Variants in ANKS1B observed in about 807,000 individuals in gnomAD.
ANKS1B encodes the protein ankyrin repeat and sterile alpha motif domain containing 1B, also known as ankyrin repeat and sterile alpha motif domain-containing protein 1B.
ANKS1B carries 36 observed loss-of-function variants against 148.3 expected under a neutral mutation model. The ratio of observed to expected loss-of-function variants is 0.24; its 90% CI spans 0.19 to 0.32. The LOEUF is 0.32. Among genes scored for constraint, ANKS1B ranks in the 10% least tolerant of loss-of-function variants. ANKS1B has a pLI of 1.00. For synonymous variants in ANKS1B, 542 were observed against 560.8 expected, an observed-to-expected ratio of 0.97 and a Z score of 0.47; for missense variants, 1,157 against 1,542.6, an observed-to-expected ratio of 0.75 and a Z score of 4.19.
chr12:99,337,991 A>C (rs2089253480), intron 12 of ANKS1B, among the ~76,000 whole-genome samples: 1 of 152,176 alleles, frequency 6.6e-6, no homozygotes. Flanking sequence ...CCAGCACAGC[A>C]CTGGATCTTG....
chr12:99,592,309 T>C (rs2097710846), intron 9 of ANKS1B, among the ~76,000 whole-genome samples: 2 of 152,014 alleles, frequency 1.3e-5, no homozygotes, highest in Non-Finnish European at 2.9e-5. Flanking sequence ...GGAAGGACAG[T>C]TCCTTTCTAA....
intron 14 of ANKS1B, among the ~76,000 whole-genome samples, chr12:99,200,505 T>A (rs1440541797): frequency 1.3e-5 from 2 of 152,236 alleles, no homozygotes; most frequent in African/African-American, 4.8e-5. Flanking sequence ...TTATTATTTT[T>A]TTGTCATCAT....
intron 8 of ANKS1B, among the ~76,000 whole-genome samples, chr12:99,710,078 T>C (rs1247948456): frequency 1.3e-5 from 2 of 152,272 alleles, no homozygotes; most frequent in East Asian, 3.9e-4. Flanking sequence ...ATCTACTTTC[T>C]AAAGCTGATT....
chr12:99,177,277 A>G (rs189578796), intron 14 of ANKS1B, among the ~76,000 whole-genome samples: 12 of 152,272 alleles, frequency 7.9e-5, no homozygotes, highest in Non-Finnish European at 1.8e-4. Context: ...CTTTTCATTG[A>G]CTTAAGGGTA....
At chr12:99,399,577 T>C in intron 12 of ANKS1B, 54 bp downstream of exon 12, 2 of 1,577,332 alleles carry the variant, frequency 1.3e-6, no homozygotes, top group Non-Finnish European at 1.7e-6. Context: ...CTCTAACTCA[T>C]AAATACTTCA....
At chr12:99,663,733 A>G (rs1489064257) in intron 8 of ANKS1B, among the ~76,000 whole-genome samples, 1 of 152,160 alleles carries the variant, frequency 6.6e-6, no homozygotes, top group Non-Finnish European at 1.5e-5. Flanking sequence ...TGTATTTCAC[A>G]TTTATTGAAG....
intron 10 of ANKS1B, among the ~76,000 whole-genome samples, chr12:99,463,224 C>T (rs960646295): frequency 6.6e-6 from 1 of 152,218 alleles, no homozygotes; most frequent in African/African-American, 2.4e-5. Context: ...TATAGGAATG[C>T]ATGGATGGAA....
intron 19 of ANKS1B, 70 bp from the exon 20 acceptor site, chr12:98,807,988 G>T: frequency 1.7e-6 from 2 of 1,194,626 alleles, no homozygotes; most frequent in Non-Finnish European, 2.4e-6. Context: ...GTAGCATCCA[G>T]GAAGGAAAAG....
At chr12:99,292,798 G>T (rs1219411683) in intron 12 of ANKS1B, among the ~76,000 whole-genome samples, 1 of 152,138 alleles carries the variant, frequency 6.6e-6, no homozygotes, top group East Asian at 1.9e-4. Context: ...AAACCACAAT[G>T]AGATACCATC....
intron 1 of ANKS1B, among the ~76,000 whole-genome samples, chr12:99,949,091 A>G (rs2095147477): frequency 6.6e-6 from 1 of 152,194 alleles, no homozygotes; most frequent in African/African-American, 2.4e-5. Context: ...TATACATGAG[A>G]AAAAGCCTCA....
intron 15 of ANKS1B, among the ~76,000 whole-genome samples, chr12:99,141,311 C>T (rs1349809842): frequency 6.6e-6 from 1 of 152,074 alleles, no homozygotes; most frequent in African/African-American, 2.4e-5. Context: ...AACATGGCTT[C>T]CGTGGCTCTC....
intron 1 of ANKS1B, among the ~76,000 whole-genome samples, chr12:99,837,817 GT>G (rs2085087737): frequency 6.6e-6 from 1 of 152,108 alleles, no homozygotes; most frequent in Admixed American, 6.6e-5. Flanking sequence ...TCCAAGTGCA[GT>G]TTTGTTACAG....
intron 1 of ANKS1B, among the ~76,000 whole-genome samples, chr12:99,938,340 TCTC>T (rs1276435124): frequency 6.6e-6 from 1 of 152,048 alleles, no homozygotes; most frequent in Non-Finnish European, 1.5e-5. Context: ...CTTGAAAACA[TCTC>T]CTTCCCTAAT....
In ANKS1B at chr12:98,745,108, T is replaced by G; in HGVS notation, c.*631A>C. Reference sequence around the variant, plus strand: ...TCCTCTGCTTTGAATCATTCTTTCCTTTTGAACCAATCATTTGGTTGAAAG... The same window carrying G: ...TCCTCTGCTTTGAATCATTCTTTCCGTTTGAACCAATCATTTGGTTGAAAG... On this transcript the variant is annotated 3_prime_UTR_variant, in exon 27 of 27. Transcript: ENST00000683438. 1.0e-6 allele frequency: 1 copy of G among 985,888 alleles called. No homozygotes were observed. 61.1% of individuals were successfully genotyped at this position (985,888 alleles called of 1,614,324 possible). A position where few individuals can be genotyped will look rare whatever the true frequency, so the allele number is the denominator to read the frequency against.
intron 14 of ANKS1B, among the ~76,000 whole-genome samples, chr12:99,215,458 G>T (rs1269560324): frequency 6.6e-6 from 1 of 152,196 alleles, no homozygotes; most frequent in Non-Finnish European, 1.5e-5. Flanking sequence ...CTTGTACCGT[G>T]TGTCTGGAAA....
intron 10 of ANKS1B, among the ~76,000 whole-genome samples, chr12:99,493,624 T>C (rs2096575256): frequency 6.6e-6 from 1 of 152,118 alleles, no homozygotes; most frequent in South Asian, 2.1e-4. Context: ...CTTATTTGAA[T>C]ATGAGGAATT....
At chr12:99,968,145 G>C (rs1456936263) in intron 1 of ANKS1B, among the ~76,000 whole-genome samples, 1 of 152,118 alleles carries the variant, frequency 6.6e-6, no homozygotes, top group Non-Finnish European at 1.5e-5. Flanking sequence ...CAAACTGCCT[G>C]GTTCCCCAGT....
intron 9 of ANKS1B, among the ~76,000 whole-genome samples, chr12:99,513,744 C>T (rs1188427422): frequency 2.0e-5 from 3 of 151,984 alleles, no homozygotes; most frequent in African/African-American, 4.8e-5. Flanking sequence ...CCCCAGCTAC[C>T]GCATGCTAGT....
intron 11 of ANKS1B, among the ~76,000 whole-genome samples, chr12:99,435,626 A>G (rs1374894677): frequency 6.6e-6 from 1 of 152,074 alleles, no homozygotes; most frequent in Admixed American, 6.6e-5. Context: ...ACCCCTGAGA[A>G]GCAGGCAAGG....
Sources: gnomAD v4.1 joint callset for allele counts (sites outside exome capture counted in the v4.1 genomes callset) on GRCh38, gnomAD v4.1.1 for gene constraint, MANE v1.5 for transcripts, NCBI Gene and HGNC (gene_info 2026-07-23, HGNC 2026-07-21) for gene names.